Variants in PPP4R3A observed in about 807,000 individuals in gnomAD.
PPP4R3A encodes protein phosphatase 4 regulatory subunit 3A, also known as serine/threonine-protein phosphatase 4 regulatory subunit 3A.
Under a neutral mutation model 91.7 loss-of-function variants are expected in PPP4R3A, and 15 were observed. That is an observed-to-expected ratio of 0.16 (90% CI 0.11 to 0.25). PPP4R3A has a LOEUF of 0.25. Among genes scored for constraint, PPP4R3A ranks in the 10% least tolerant of loss-of-function variants. The probability of loss-of-function intolerance (pLI) is 1.00; values close to 1 mark genes in which losing one functional copy is unlikely to be tolerated. For missense variants in PPP4R3A, 623 were observed against 998.4 expected (o/e 0.62, Z 5.07); for synonymous variants, 377 against 348.7 (o/e 1.08, Z -0.91).
chr14:91,482,931 A>G (rs561477954), intron 3 of PPP4R3A, among the ~76,000 whole-genome samples: 7 of 152,268 alleles, frequency 4.6e-5, no homozygotes, highest in African/African-American at 1.7e-4. Flanking sequence ...ATTCCCAAAA[A>G]AGGTCTGCTG....
intron 4 of PPP4R3A, 115 bp downstream of exon 4, chr14:91,481,461 C>CA: frequency 9.1e-7 from 1 of 1,095,146 alleles, no homozygotes; most frequent in Non-Finnish European, 1.2e-6. Flanking sequence ...TAAAATAACT[C>CA]ACAATACTTA....
Position 91,507,707 on chromosome 14 carries a change from T to C in PPP4R3A, c.142+1799A>G, listed in dbSNP as rs1406701379. Among the ~76,000 whole-genome samples, 5 of 62,514 alleles carry C rather than the reference T, an allele frequency of 8.0e-5. No individual in the cohort carries two copies. In the East Asian group the frequency reaches 1.4e-3, roughly 18 times the overall value. 41.0% of individuals were successfully genotyped at this position (62,514 alleles called of 152,430 possible). On this transcript the variant is annotated intron_variant, in intron 1 of 14. Transcript: ENST00000554943. Reference sequence around the variant, plus strand: ...AAAGCATACTTCTGATAGTACGACATTAAACTTTTATACTTAAAAATATCT... The same window carrying C: ...AAAGCATACTTCTGATAGTACGACACTAAACTTTTATACTTAAAAATATCT...
In PPP4R3A at chr14:91,465,364, G is replaced by T. The variant is rs377335905; in HGVS notation, c.1716C>A (p.Arg572=). Residue 572 remains arginine, a synonymous_variant, in exon 11 of 15, where the codon CGC becomes CGA. Transcript: ENST00000554943. ...IIGLKDEFYN[R]YIMKSFLFEP... ...CAAACAAAAAACTTTTCATTATGTA[G>T]CGGTTGTAAAACTCATCTTTTAATC... 18 of 1,605,638 alleles carry T rather than the reference G, an allele frequency of 1.1e-5. No homozygotes were observed. The African/African-American group carries it at 2.4e-4, about 22-fold the overall frequency.
intron 9 of PPP4R3A, among the ~76,000 whole-genome samples, chr14:91,471,534 T>A (rs1888831183): frequency 1.3e-5 from 2 of 152,230 alleles, no homozygotes; most frequent in African/African-American, 4.8e-5. Context: ...AAAGGCTTTT[T>A]TTCATTCCCC....
intron 1 of PPP4R3A, among the ~76,000 whole-genome samples, chr14:91,501,708 CTTT>C (rs11382091): frequency 7.2e-6 from 1 of 137,998 alleles, no homozygotes. Flanking sequence ...CTAAAGTGTG[CTTT>C]TTTTTTTTTT....
Position 91,461,624 on chromosome 14 carries a change from T to C in PPP4R3A, c.2165-17A>G, listed in dbSNP as rs755367724. On this transcript the variant is annotated splice_polypyrimidine_tract_variant and intron_variant, in intron 13 of 14. Transcript: ENST00000554943. ...TTTCTTTTACTAAAAATGAGAATACTGTCAATAGTCGTCCCCCATACTTCT... is the reference window on the plus strand; with the variant it reads ...TTTCTTTTACTAAAAATGAGAATACCGTCAATAGTCGTCCCCCATACTTCT... 6.2e-7 allele frequency: 1 copy of C among 1,607,772 alleles called. No homozygotes were observed. Among genetic ancestry groups the C allele is most frequent in the Non-Finnish European group, 8.5e-7 (1 of 1,175,308 alleles).
intron 2 of PPP4R3A, among the ~76,000 whole-genome samples, chr14:91,487,655 G>A (rs949846022): frequency 6.6e-6 from 1 of 152,178 alleles, no homozygotes; most frequent in Non-Finnish European, 1.5e-5. Flanking sequence ...GTACCTTTAA[G>A]GACCTATGAT....
chr14:91,461,910 T>G lies in PPP4R3A; in HGVS notation c.2164+139A>C, dbSNP rs1441363368. ...ATGCCTACACAACACTGCTATTCAG[T>G]CACATCCCATAAAGCAATAGAGTCT... On this transcript the variant is annotated intron_variant, in intron 13 of 14. Coordinates refer to ENST00000554943, the MANE Select transcript of PPP4R3A (RefSeq NM_001366432.2). 24 of 1,331,316 alleles carry G rather than the reference T, an allele frequency of 1.8e-5. No individual in the cohort carries two copies. In the Admixed American group the frequency reaches 7.7e-4, roughly 42 times the overall value. 82.5% of individuals were successfully genotyped at this position (1,331,316 alleles called of 1,614,324 possible).
At chr14:91,496,816 C>G (rs1311290032) in intron 1 of PPP4R3A, among the ~76,000 whole-genome samples, 1 of 152,094 alleles carries the variant, frequency 6.6e-6, no homozygotes, top group African/African-American at 2.4e-5. Context: ...CTCAGTAAGA[C>G]AATAAATAAA....
Position 91,509,381 on chromosome 14 carries a change from A to T in PPP4R3A, c.142+125T>A, listed in dbSNP as rs950619126. On this transcript the variant is annotated intron_variant, in intron 1 of 14. Transcript: ENST00000554943. Reference sequence around the variant, plus strand: ...GGTACCTGGGGCCCGTCCTCCCCCGAGGTGGCCGCCCTCCCCAGCCGTCCC... The same window carrying T: ...GGTACCTGGGGCCCGTCCTCCCCCGTGGTGGCCGCCCTCCCCAGCCGTCCC... 2.2e-6 allele frequency: 3 copies of T among 1,374,750 alleles called. No individual in the cohort carries two copies. In the African/African-American group the frequency reaches 4.3e-5, roughly 20 times the overall value. 85.2% of individuals were successfully genotyped at this position (1,374,750 alleles called of 1,614,324 possible).
chr14:91,461,648 CTTT>C (rs1463321581), intron 13 of PPP4R3A, 41 bp from the exon 14 acceptor site: 1 of 1,577,858 alleles, frequency 6.3e-7, no homozygotes, highest in African/African-American at 1.4e-5. Context: ...CCCCATACTT[CTTT>C]TTTAAATTTC....
intron 1 of PPP4R3A, among the ~76,000 whole-genome samples, chr14:91,495,770 T>C (rs891593833): frequency 6.6e-6 from 1 of 152,004 alleles, no homozygotes; most frequent in African/African-American, 2.4e-5. Context: ...ATTTTAAAAA[T>C]TAGCCAAGTG....
rs755772710 is a variant in PPP4R3A, at chr14:91,461,583, A to G, written c.2189T>C (p.Val730Ala). 32 of 1,614,072 alleles carry G rather than the reference A, an allele frequency of 2.0e-5. 1 individual carries two copies. In the East Asian group the frequency reaches 6.9e-4, roughly 35 times the overall value. Residue 730 changes from valine to alanine, a missense_variant, in exon 14 of 15, where the codon GTG (valine) becomes GCG (alanine). Transcript: ENST00000554943. ...TCCAGAAAGGTTTGTTTTCAGAAGC[A>G]CTTCCTTTTCCTCACTTTCTTTTAC... ...KKLKESEEKE[V>A]LLKTNLSGRQ...
chr14:91,501,509 T>C (rs1890952069), intron 1 of PPP4R3A, among the ~76,000 whole-genome samples: 1 of 151,996 alleles, frequency 6.6e-6, no homozygotes, highest in African/African-American at 2.4e-5. Context: ...CAGAAAAAAC[T>C]AGCCAGGTAT....
intron 1 of PPP4R3A, among the ~76,000 whole-genome samples, chr14:91,494,171 A>G (rs1427010361): frequency 1.3e-5 from 2 of 152,242 alleles, no homozygotes; most frequent in African/African-American, 2.4e-5. Flanking sequence ...AAAGTAAAAT[A>G]GAGTGAAAGA....
chr14:91,495,834 G>A (rs1478834494), intron 1 of PPP4R3A, among the ~76,000 whole-genome samples: 3 of 152,010 alleles, frequency 2.0e-5, no homozygotes, highest in Non-Finnish European at 4.4e-5. Context: ...TGGGAGGATT[G>A]CCTAAGCCTT....
At chr14:91,502,770 T>C (rs1018817583) in intron 1 of PPP4R3A, among the ~76,000 whole-genome samples, 4 of 152,250 alleles carry the variant, frequency 2.6e-5, no homozygotes, top group Non-Finnish European at 5.9e-5. Flanking sequence ...ACAGTGAGAA[T>C]TTAACCTGTT....
chr14:91,482,936 C>T (rs1456819031), intron 3 of PPP4R3A, among the ~76,000 whole-genome samples: 1 of 152,160 alleles, frequency 6.6e-6, no homozygotes, highest in African/African-American at 2.4e-5. Flanking sequence ...CAAAAAAGGT[C>T]TGCTGAAGGT....
intron 2 of PPP4R3A, 81 bp from the exon 3 acceptor site, chr14:91,485,811 G>C (rs1306276604): frequency 2.1e-6 from 2 of 947,226 alleles, no homozygotes; most frequent in African/African-American, 1.7e-5. Flanking sequence ...AAATAAAACT[G>C]TGCTCATTTT....
Sources: allele counts gnomAD v4.1 joint callset (sites outside exome capture counted in the v4.1 genomes callset), GRCh38; gene constraint gnomAD v4.1.1; transcripts MANE v1.5; gene names NCBI Gene and HGNC (gene_info 2026-07-23, HGNC 2026-07-21).